The following USP32 variants were observed in gnomAD, a reference collection of about 807,000 sequenced individuals.
USP32 encodes ubiquitin specific peptidase 32.
A neutral mutation model predicts 204.8 loss-of-function variants in USP32; 59 were observed. The observed-to-expected ratio is 0.29, with a 90% CI of 0.23 to 0.36. The LOEUF is 0.36. Among genes scored for constraint, USP32 ranks in the 10% least tolerant of loss-of-function variants. The pLI, the probability that USP32 is intolerant of heterozygous loss-of-function variation, is 1.00. For synonymous variants in USP32, 517 were observed against 678.4 expected, an observed-to-expected ratio of 0.76 and a Z score of 3.70; for missense variants, 1,160 against 1,946.4, an observed-to-expected ratio of 0.60 and a Z score of 7.60.
chr17:60,292,856 A>G (rs903017960), intron 4 of USP32, among the ~76,000 whole-genome samples: 6 of 152,108 alleles, frequency 3.9e-5, no homozygotes, highest in Admixed American at 3.9e-4. Context: ...ACTCAGGGTA[A>G]AAGTCAAAGG....
chr17:60,227,563 C>A (rs1165684923), intron 12 of USP32, among the ~76,000 whole-genome samples: 1 of 151,596 alleles, frequency 6.6e-6, no homozygotes, highest in East Asian at 1.9e-4. Flanking sequence ...AGCCACCATG[C>A]CCATTCAGTT....
At chr17:60,312,502 C>T (rs1277280045) in intron 2 of USP32, among the ~76,000 whole-genome samples, 3 of 151,238 alleles carry the variant, frequency 2.0e-5, no homozygotes, top group Non-Finnish European at 4.4e-5. Context: ...CACAGCTCAT[C>T]GCAGCCTTGA....
chr17:60,415,538 G>A (rs1311778330), intron 1 of USP32, among the ~76,000 whole-genome samples: 1 of 152,174 alleles, frequency 6.6e-6, no homozygotes, highest in Non-Finnish European at 1.5e-5. Flanking sequence ...CCTCTTTGAT[G>A]AGTCTTTGCA....
rs368513005 is a variant in USP32, at chr17:60,289,260, G to A, written c.412-578C>T. ...CCTGACCTTGTGATCTGCCCGCCTC[G>A]GCCTCCCAAAGTGCTGGGATTACAG... is the stretch of plus-strand genomic sequence containing the variant. On this transcript the variant is annotated intron_variant, in intron 4 of 33. Coordinates refer to ENST00000300896, the MANE Select transcript of USP32 (RefSeq NM_032582.4). 6.2e-4 allele frequency among the ~76,000 whole-genome samples: 95 copies of A among 152,146 alleles called. 1 individual carries two copies. The South Asian group carries it at 0.017, about 28-fold the overall frequency.
upstream of USP32, chr17:60,392,346 A>G (rs969279993): frequency 4.0e-5 from 11 of 278,230 alleles, no homozygotes; most frequent in Non-Finnish European, 6.3e-5. Flanking sequence ...AACCGCGCGC[A>G]GGAGCGCCGG....
intron 12 of USP32, among the ~76,000 whole-genome samples, chr17:60,228,449 T>C (rs1289296572): frequency 6.6e-6 from 1 of 152,034 alleles, no homozygotes; most frequent in Non-Finnish European, 1.5e-5. Context: ...AATATGGAAT[T>C]CATACCAACA....
At chr17:60,387,413 A>C (rs2089749802) in intron 1 of USP32, among the ~76,000 whole-genome samples, 2 of 152,218 alleles carry the variant, frequency 1.3e-5, no homozygotes, top group Non-Finnish European at 2.9e-5. Context: ...CATATACTAT[A>C]AAATGAGCAC....
chr17:60,358,158 AAT>A (rs756725817), intron 1 of USP32, among the ~76,000 whole-genome samples: 1 of 152,148 alleles, frequency 6.6e-6, no homozygotes, highest in Non-Finnish European at 1.5e-5. Context: ...TTTTATTGCA[AAT>A]ATAGAGTATT....
rs550381359 is a variant in USP32, at chr17:60,366,684, T to C, written c.59-21076A>G. Among the ~76,000 whole-genome samples, 5 of 151,712 alleles carry C rather than the reference T, an allele frequency of 3.3e-5. No homozygotes were observed. The East Asian group carries it at 9.7e-4, about 29-fold the overall frequency. On this transcript the variant is annotated intron_variant, in intron 1 of 33. Transcript: ENST00000300896. ...AGGAGGCTGAGGCAGGAGGATCACT[T>C]GAGCCCAAGAGCTTGAGACCATCCT... is the stretch of plus-strand genomic sequence containing the variant.
In USP32 at chr17:60,183,366, G is replaced by C. The variant is rs747960590; in HGVS notation, c.3922C>G (p.Pro1308Ala). The change falls in exon 31 of 34, where the codon CCA (proline) becomes GCA (alanine). Residue 1308 changes from proline (P) to alanine (A), a missense_variant. Physicochemically the swap from Pro to Ala is conservative, Grantham distance 27. Coordinates refer to ENST00000300896, the MANE Select transcript of USP32 (RefSeq NM_032582.4). ...TCTCTTGGTACCAAAAAAGCACTTG[G>C]ATCAAAACTTTCCCGAGGAAATTTG... ...IVKFPRESFD[P>A]SAFLVPRDPA... 1 of 1,613,818 alleles carries C rather than the reference G, an allele frequency of 6.2e-7. No homozygotes were observed. Among genetic ancestry groups the C allele is most frequent in the East Asian group, 2.2e-5 (1 of 44,874 alleles).
At position 60,192,855 on chromosome 17, in the gene USP32, G is replaced by A. The variant is rs145135502; in HGVS notation, c.3510C>T (p.Cys1170=). 409 of 1,613,782 alleles carry A rather than the reference G, an allele frequency of 2.5e-4. 3 individuals carry two copies. The highest frequency in any genetic ancestry group is 2.9e-4 in the Non-Finnish European group (346 of 1,179,850). ...VQKDGNSCAW[C]PWYRFCRGCK... is the part of the protein sequence containing the mutation. ...GCAGGTCACTTTACCTATACCATGGGCACCAAGCACAGGAGTTCCCATCTT... is the reference window on the plus strand; with the variant it reads ...GCAGGTCACTTTACCTATACCATGGACACCAAGCACAGGAGTTCCCATCTT... Residue 1170 remains cysteine, a synonymous_variant, in exon 28 of 34, where the codon TGC becomes TGT. Coordinates refer to ENST00000300896, the MANE Select transcript of USP32 (RefSeq NM_032582.4).
Position 60,183,503 on chromosome 17 carries a change from C to G in USP32, c.3835-50G>C, listed in dbSNP as rs184630769. 1.0e-4 allele frequency: 155 copies of G among 1,514,014 alleles called. 1 individual carries two copies. The Admixed American group carries it at 3.5e-3, about 34-fold the overall frequency. The allele number at this position is 1,514,014 out of a possible 1,614,324, so 93.8% of individuals were successfully genotyped here. A position where few individuals can be genotyped will look rare whatever the true frequency, so the allele number is the denominator to read the frequency against. Reference sequence around the variant, plus strand: ...TCTGCATTAAAGGGTTCTGAAGATACAAAATTTACATGGAAAAAACAAGTC... The same window carrying G: ...TCTGCATTAAAGGGTTCTGAAGATAGAAAATTTACATGGAAAAAACAAGTC... On this transcript the variant is annotated intron_variant, in intron 30 of 33. Coordinates refer to ENST00000300896, the MANE Select transcript of USP32 (RefSeq NM_032582.4).
At chr17:60,342,326 T>A (rs1274058926) in intron 2 of USP32, among the ~76,000 whole-genome samples, 1 of 152,172 alleles carries the variant, frequency 6.6e-6, no homozygotes, top group Non-Finnish European at 1.5e-5. Context: ...CCTGCCTATA[T>A]GAGGTGTCTG....
At chr17:60,384,462 T>C (rs979884605) in intron 1 of USP32, among the ~76,000 whole-genome samples, 4 of 152,190 alleles carry the variant, frequency 2.6e-5, no homozygotes, top group African/African-American at 9.7e-5. Context: ...TTTCAAAACA[T>C]CAGTTTTCCT....
chr17:60,388,055 C>T (rs1053066664), intron 1 of USP32, among the ~76,000 whole-genome samples: 3 of 152,012 alleles, frequency 2.0e-5, no homozygotes, highest in African/African-American at 7.3e-5. Flanking sequence ...TATCCATTTC[C>T]TTAGTGCCTA....
At chr17:60,246,776 G>A (rs1031705194) in intron 11 of USP32, among the ~76,000 whole-genome samples, 3 of 151,932 alleles carry the variant, frequency 2.0e-5, no homozygotes, top group Non-Finnish European at 2.9e-5. Flanking sequence ...TTGATATTTC[G>A]ATTATGATTA....
At position 60,321,871 on chromosome 17, in the gene USP32, C is replaced by CT. The variant is rs61115566; in HGVS notation, c.187-20168dup. Among the ~76,000 whole-genome samples the CT allele has an allele frequency of 6.5e-3, 910 of 139,880 alleles. 6 individuals are homozygous for CT. The highest frequency in any genetic ancestry group is 0.013 in the African/African-American group (499 of 38,702). The allele number at this position is 139,880 out of a possible 152,430, so 91.8% of individuals were successfully genotyped here. Reference sequence around the variant, plus strand: ...AGTGGTAACTATTTTAATCAGATGGCTTTTTTTTTTTTTTAGCCCTAGTGA... The same window carrying CT: ...AGTGGTAACTATTTTAATCAGATGGCTTTTTTTTTTTTTTTAGCCCTAGTGA... On this transcript the variant is annotated intron_variant, in intron 2 of 33. Coordinates refer to ENST00000300896, the MANE Select transcript of USP32 (RefSeq NM_032582.4).
chr17:60,333,255 T>A (rs1207834596), intron 2 of USP32, among the ~76,000 whole-genome samples: 1 of 152,154 alleles, frequency 6.6e-6, no homozygotes, highest in Non-Finnish European at 1.5e-5. Flanking sequence ...TTATATGCCT[T>A]CCACAGTGTA....
rs16944290 is a variant in USP32 at position 60,361,657 on chromosome 17, T to C, written c.59-16049A>G. On this transcript the variant is annotated intron_variant, in intron 1 of 33. Transcript: ENST00000300896. Reference sequence around the variant, plus strand: ...CACTATTGCTTAGTAGTTTCTACAATTCAACTTTTTAAAAATTATAGAAGA... The same window carrying C: ...CACTATTGCTTAGTAGTTTCTACAACTCAACTTTTTAAAAATTATAGAAGA... 6.9e-3 allele frequency among the ~76,000 whole-genome samples: 1,047 copies of C among 152,266 alleles called. 13 individuals carry two copies. The highest frequency in any genetic ancestry group is 0.024 in the African/African-American group (1,011 of 41,564).
Sources: gnomAD v4.1 joint callset for allele counts (sites outside exome capture counted in the v4.1 genomes callset) on GRCh38, gnomAD v4.1.1 for gene constraint, MANE v1.5 for transcripts, NCBI Gene and HGNC (gene_info 2026-07-23, HGNC 2026-07-21) for gene names.